Variants in UBE2F observed in about 807,000 individuals in gnomAD.
UBE2F encodes the protein ubiquitin conjugating enzyme E2 F (putative).
UBE2F carries 5 observed loss-of-function variants against 29.6 expected under a neutral mutation model. The ratio of observed to expected loss-of-function variants is 0.17; its 90% CI spans 0.09 to 0.36. The LOEUF (loss-of-function observed/expected upper bound fraction) is 0.36. Ranked by LOEUF, UBE2F falls within the 10% of genes least tolerant of loss-of-function variation. The pLI, the probability that UBE2F is intolerant of heterozygous loss-of-function variation, is 1.00. For synonymous variants in UBE2F, 66 were observed against 81.8 expected (o/e 0.81, Z 1.04); for missense variants, 141 against 228.5 (o/e 0.62, Z 2.47).
At chr2:238,003,252 C>T in intron 4 of UBE2F, 1 of 337,082 alleles carries the variant, frequency 3.0e-6, no homozygotes, top group East Asian at 8.6e-5. Flanking sequence ...TGCCAATTTT[C>T]TTGCGATGTA....
chr2:237,969,601 G>A (rs13415662), intron 1 of UBE2F, among the ~76,000 whole-genome samples: 354 of 152,274 alleles, frequency 2.3e-3, no homozygotes, highest in African/African-American at 7.9e-3. Context: ...ATGGATGCAC[G>A]TCTTGGTCCA....
chr2:237,988,431 G>C (rs1252369408), intron 3 of UBE2F, among the ~76,000 whole-genome samples: 3 of 136,404 alleles, frequency 2.2e-5, no homozygotes, highest in African/African-American at 5.6e-5. Context: ...CTGGGCAACA[G>C]AGCAAGACTC....
intron 4 of UBE2F, among the ~76,000 whole-genome samples, chr2:238,007,609 TC>T (rs1464591786): frequency 1.3e-5 from 2 of 152,192 alleles, no homozygotes; most frequent in African/African-American, 4.8e-5. Context: ...AAATGCTTTT[TC>T]TGCATCTACT....
intron 7 of UBE2F, among the ~76,000 whole-genome samples, chr2:238,030,819 T>A (rs1182054748): frequency 6.6e-6 from 1 of 152,238 alleles, no homozygotes; most frequent in Non-Finnish European, 1.5e-5. Context: ...AGCATCCTTG[T>A]TGACTTTGCC....
intron 6 of UBE2F, chr2:238,029,139 ACCAGCTT>A (rs1052100447): frequency 1.3e-5 from 2 of 152,166 alleles, no homozygotes; most frequent in Non-Finnish European, 2.9e-5. Context: ...ACTCTCAGGT[ACCAGCTT>A]CAGAAACAGG....
intron 3 of UBE2F, among the ~76,000 whole-genome samples, chr2:237,993,842 T>C (rs2063636708): frequency 6.6e-6 from 1 of 152,174 alleles, no homozygotes; most frequent in East Asian, 1.9e-4. Context: ...AGGAGATGGG[T>C]GGGATGCAAT....
chr2:238,035,854 ACTTT>A lies in UBE2F; in HGVS notation c.445-23_445-20del, dbSNP rs761829680. 2 of 1,592,262 alleles carry A rather than the reference ACTTT, an allele frequency of 1.3e-6. No homozygotes were observed. Among genetic ancestry groups the A allele is most frequent in the South Asian group, 2.2e-5 (2 of 90,240 alleles). On this transcript the variant is annotated intron_variant, in intron 8 of 9. Transcript: ENST00000272930. ...CAGAAAAGCAGTTCTCCCAATGTTT[ACTTT>A]AAGTTTCTCTCTTTTTAAGGATCTT...
chr2:238,022,041 T>C (rs943178421), intron 5 of UBE2F, among the ~76,000 whole-genome samples: 4 of 152,254 alleles, frequency 2.6e-5, no homozygotes, highest in African/African-American at 9.6e-5. Context: ...ACCATCCATG[T>C]TTGAAAATTC....
At chr2:237,979,094 G>A (rs1273218988) in intron 2 of UBE2F, among the ~76,000 whole-genome samples, 4 of 152,208 alleles carry the variant, frequency 2.6e-5, no homozygotes, top group Admixed American at 6.5e-5. Context: ...CCCTTTGCCT[G>A]TGTCAGTCTT....
chr2:238,016,605 CTG>C lies in UBE2F; in HGVS notation c.255_256del (p.Glu86SerfsTer40). 6.2e-7 allele frequency: 1 copy of C among 1,613,038 alleles called. No homozygotes were observed. Among genetic ancestry groups the C allele is most frequent in the South Asian group, 1.1e-5 (1 of 90,948 alleles). On this transcript the variant is annotated frameshift_variant, in exon 5 of 10. Transcript: ENST00000272930. LOFTEE classifies it high-confidence loss of function. The stretch of plus-strand genomic sequence containing the variant: ...CAGGGTGGAAAATTTCAGTTTGAAA[CTG>C]AAGTTCCCGATGCGTACAACATGGT...
At chr2:238,007,327 G>T (rs2063929145) in intron 4 of UBE2F, among the ~76,000 whole-genome samples, 1 of 151,542 alleles carries the variant, frequency 6.6e-6, no homozygotes. Flanking sequence ...TCACCATATT[G>T]GCCAGGCTGG....
At chr2:238,037,306 G>A (rs1447378907) in intron 9 of UBE2F, among the ~76,000 whole-genome samples, 1 of 152,238 alleles carries the variant, frequency 6.6e-6, no homozygotes, top group African/African-American at 2.4e-5. Flanking sequence ...CCTTTCCACT[G>A]TGCTTGAGTA....
chr2:237,999,665 G>A (rs555502173), intron 4 of UBE2F, among the ~76,000 whole-genome samples: 1 of 152,228 alleles, frequency 6.6e-6, no homozygotes, highest in East Asian at 1.9e-4. Flanking sequence ...TGACCAAACA[G>A]CATTGACTGT....
intron 5 of UBE2F, among the ~76,000 whole-genome samples, chr2:238,020,078 A>G (rs1559222136): frequency 6.6e-6 from 1 of 152,184 alleles, no homozygotes; most frequent in African/African-American, 2.4e-5. Flanking sequence ...GGGGATCATT[A>G]GGGTGTAGTA....
chr2:238,031,355 G>T (rs950261034), intron 7 of UBE2F, among the ~76,000 whole-genome samples: 2 of 152,164 alleles, frequency 1.3e-5, no homozygotes, highest in Admixed American at 1.3e-4. Context: ...CTCCCAGGGT[G>T]GGTGCTCTGG....
intron 4 of UBE2F, among the ~76,000 whole-genome samples, chr2:238,012,001 C>T (rs1244928828): frequency 2.0e-5 from 3 of 151,882 alleles, no homozygotes; most frequent in African/African-American, 7.3e-5. Flanking sequence ...ACCTCAGCCT[C>T]CTAAGTAGCT....
chr2:238,032,819 AC>A (rs2064615769), intron 8 of UBE2F: 1 of 152,868 alleles, frequency 6.5e-6, no homozygotes. Context: ...TTACATAGTT[AC>A]CCCTTTTTTC....
At chr2:238,009,604 G>T (rs982009184) in intron 4 of UBE2F, among the ~76,000 whole-genome samples, 5 of 152,074 alleles carry the variant, frequency 3.3e-5, no homozygotes, top group Admixed American at 2.0e-4. Context: ...TTTCCTCTAA[G>T]TCTCAGCATC....
At chr2:237,992,687 C>T (rs1428764343) in intron 3 of UBE2F, among the ~76,000 whole-genome samples, 3 of 152,150 alleles carry the variant, frequency 2.0e-5, no homozygotes, top group Non-Finnish European at 2.9e-5. Context: ...TAGGAATTAA[C>T]CTTGCTTCTG....
Sources: gnomAD v4.1 joint callset for allele counts (sites outside exome capture counted in the v4.1 genomes callset) on GRCh38, gnomAD v4.1.1 for gene constraint, MANE v1.5 for transcripts, NCBI Gene and HGNC (gene_info 2026-07-23, HGNC 2026-07-21) for gene names.